The following SH3BGRL2 variants were observed in gnomAD, a reference collection of about 807,000 sequenced individuals.
SH3BGRL2 encodes the protein SH3 domain-binding glutamic acid-rich-like protein 2.
Under a neutral mutation model 14.8 loss-of-function variants are expected in SH3BGRL2, and 21 were observed. The ratio of observed to expected loss-of-function variants is 1.42; its 90% CI spans 1.01 to 2.05. The LOEUF is 2.05. SH3BGRL2 is among the 30% of genes most tolerant of loss of function. The pLI, the probability that SH3BGRL2 is intolerant of heterozygous loss-of-function variation, is 0.00. For missense variants in SH3BGRL2, 147 were observed against 130.8 expected (o/e 1.12, Z -0.61); for synonymous variants, 50 against 47.8 (o/e 1.05, Z -0.19).
chr6:79,694,900 G>T (rs575554142), intron 2 of SH3BGRL2, among the ~76,000 whole-genome samples: 10 of 151,862 alleles, frequency 6.6e-5, no homozygotes, highest in African/African-American at 2.4e-4. Flanking sequence ...CCTTTTTGCT[G>T]CCCTTTTTTT....
the SH3BGRL2 span, among the ~76,000 whole-genome samples, chr6:79,623,466 A>G: frequency 6.6e-6 from 1 of 152,210 alleles, no homozygotes; most frequent in Non-Finnish European, 1.5e-5. Flanking sequence ...GTTCCCTGAC[A>G]TCAGTTTAAA....
chr6:79,642,957 A>C (rs564180662), intron 1 of SH3BGRL2, among the ~76,000 whole-genome samples: 44 of 152,286 alleles, frequency 2.9e-4, no homozygotes, highest in African/African-American at 1.0e-3. Context: ...TAAAAGCAGT[A>C]AGGGGCTTTG....
At chr6:79,698,651 T>C (rs1770380706) in intron 3 of SH3BGRL2, among the ~76,000 whole-genome samples, 2 of 151,804 alleles carry the variant, frequency 1.3e-5, no homozygotes, top group African/African-American at 4.8e-5. Context: ...CTCTAGATGG[T>C]GGCCTGCAGG....
At chr6:79,567,326 ATATC>A in the SH3BGRL2 span, among the ~76,000 whole-genome samples, 5 of 152,362 alleles carry the variant, frequency 3.3e-5, no homozygotes, top group South Asian at 1.0e-3. Context: ...AAGGTCAAGA[ATATC>A]TAGGAAGAAA....
the SH3BGRL2 span, among the ~76,000 whole-genome samples, chr6:79,545,001 G>A: frequency 6.6e-6 from 1 of 152,198 alleles, no homozygotes; most frequent in Non-Finnish European, 1.5e-5. Flanking sequence ...AGTAGCAACT[G>A]ATCTGATGCA....
chr6:79,610,424 A>G, the SH3BGRL2 span, among the ~76,000 whole-genome samples: 1 of 152,212 alleles, frequency 6.6e-6, no homozygotes, highest in Non-Finnish European at 1.5e-5. Context: ...CCTTGAAGCC[A>G]AAAGGAAGCT....
intron 1 of SH3BGRL2, among the ~76,000 whole-genome samples, chr6:79,660,368 A>T (rs1188515170): frequency 6.6e-6 from 1 of 152,130 alleles, no homozygotes; most frequent in African/African-American, 2.4e-5. Flanking sequence ...GAATTTTGTC[A>T]AATGCCTTTT....
chr6:79,550,336 T>C, the SH3BGRL2 span, among the ~76,000 whole-genome samples: 1 of 152,168 alleles, frequency 6.6e-6, no homozygotes, highest in Non-Finnish European at 1.5e-5. Flanking sequence ...CAGAAAGGAA[T>C]AAATTCTGAC....
the SH3BGRL2 span, among the ~76,000 whole-genome samples, chr6:79,563,000 G>C: frequency 6.6e-6 from 1 of 152,154 alleles, no homozygotes; most frequent in African/African-American, 2.4e-5. Context: ...CTGTCACCCA[G>C]GCTGGAGTGC....
chr6:79,611,122 C>T, the SH3BGRL2 span, among the ~76,000 whole-genome samples: 1 of 152,118 alleles, frequency 6.6e-6, no homozygotes, highest in East Asian at 1.9e-4. Context: ...GATCCATAGT[C>T]TAATCTTCCT....
At chr6:79,686,025 TTTTG>T (rs1170243890) in intron 2 of SH3BGRL2, among the ~76,000 whole-genome samples, 2 of 152,206 alleles carry the variant, frequency 1.3e-5, no homozygotes, top group African/African-American at 4.8e-5. Flanking sequence ...TAATTGATCA[TTTTG>T]TTTAATATAA....
At chr6:79,625,964 G>T in the SH3BGRL2 span, among the ~76,000 whole-genome samples, 1 of 152,180 alleles carries the variant, frequency 6.6e-6, no homozygotes, top group Non-Finnish European at 1.5e-5. Flanking sequence ...AGCTTTTGAA[G>T]GAGCAACCAC....
At chr6:79,696,460 AT>A in intron 2 of SH3BGRL2, 24 bp from the exon 3 acceptor site, 1 of 1,512,496 alleles carries the variant, frequency 6.6e-7, no homozygotes, top group Non-Finnish European at 8.9e-7. Flanking sequence ...TTGTTGGTTT[AT>A]TTTCTGCTTC....
chr6:79,687,601 A>C (rs1770126104), intron 2 of SH3BGRL2, among the ~76,000 whole-genome samples: 1 of 152,230 alleles, frequency 6.6e-6, no homozygotes, highest in African/African-American at 2.4e-5. Context: ...AAGATTTCAT[A>C]AAGTAGACTA....
the SH3BGRL2 span, among the ~76,000 whole-genome samples, chr6:79,554,964 T>C: frequency 6.6e-6 from 1 of 152,212 alleles, no homozygotes; most frequent in Non-Finnish European, 1.5e-5. Context: ...TCTGGCAATA[T>C]CTAGCTAGAT....
chr6:79,697,052 T>C (rs1386974149), intron 3 of SH3BGRL2, among the ~76,000 whole-genome samples: 2 of 152,168 alleles, frequency 1.3e-5, no homozygotes, highest in African/African-American at 2.4e-5. Flanking sequence ...ATATGTCTTT[T>C]AGAAAACATA....
chr6:79,636,931 C>T (rs1417625030), intron 1 of SH3BGRL2, among the ~76,000 whole-genome samples: 1 of 152,112 alleles, frequency 6.6e-6, no homozygotes, highest in Non-Finnish European at 1.5e-5. Flanking sequence ...AATAAGGTCA[C>T]ATTTATAGGT....
the SH3BGRL2 span, among the ~76,000 whole-genome samples, chr6:79,590,048 T>C: frequency 2.0e-5 from 3 of 152,124 alleles, no homozygotes; most frequent in Admixed American, 6.6e-5. Context: ...TCTGGGATTA[T>C]AGGCGTGAGC....
At chr6:79,562,091 TA>T in the SH3BGRL2 span, among the ~76,000 whole-genome samples, 2 of 152,202 alleles carry the variant, frequency 1.3e-5, no homozygotes, top group African/African-American at 2.4e-5. Context: ...TACAACAATA[TA>T]TTTTTTTATT....
Sources: gnomAD v4.1 joint callset for allele counts (sites outside exome capture counted in the v4.1 genomes callset) on GRCh38, gnomAD v4.1.1 for gene constraint, MANE v1.5 for transcripts, NCBI Gene and HGNC (gene_info 2026-07-23, HGNC 2026-07-21) for gene names.